DIP2C: variants seen among roughly 807,000 people sequenced by gnomAD.
DIP2C encodes the protein DIP2 acetate--CoA ligase C (putative), also known as disco-interacting protein 2 homolog C.
DIP2C carries 33 observed loss-of-function variants against 192.4 expected under a neutral mutation model. The observed-to-expected ratio is 0.17, with a 90% CI of 0.13 to 0.23. The LOEUF is 0.23. Among genes scored for constraint, DIP2C ranks in the 10% least tolerant of loss-of-function variants. DIP2C has a pLI of 1.00. For synonymous variants in DIP2C, 979 were observed against 864.1 expected (o/e 1.13, Z -2.33); for missense variants, 1,537 against 2,110.1 (o/e 0.73, Z 5.32).
intron 1 of DIP2C, among the ~76,000 whole-genome samples, chr10:568,609 T>C (rs549816566): frequency 2.0e-5 from 3 of 151,094 alleles, no homozygotes; most frequent in South Asian, 2.1e-4. Flanking sequence ...CTACTAAAAA[T>C]ACAAAAATTA....
chr10:441,905 CT>C (rs1241295801), intron 3 of DIP2C, among the ~76,000 whole-genome samples: 3 of 150,356 alleles, frequency 2.0e-5, no homozygotes, highest in African/African-American at 7.3e-5. Flanking sequence ...GTCACAGCAT[CT>C]CACGCAGGCC....
intron 3 of DIP2C, among the ~76,000 whole-genome samples, chr10:470,034 G>C (rs1399573397): frequency 6.6e-6 from 1 of 152,122 alleles, no homozygotes; most frequent in East Asian, 1.9e-4. Context: ...TGAGTAGTGG[G>C]GTAAATGGAT....
At chr10:327,469 G>C (rs1334703951) in intron 30 of DIP2C, among the ~76,000 whole-genome samples, 1 of 152,188 alleles carries the variant, frequency 6.6e-6, no homozygotes, top group African/African-American at 2.4e-5. Flanking sequence ...CAACTTCCTG[G>C]CTGAGACGAT....
chr10:414,210 C>A, intron 7 of DIP2C, 100 bp from the exon 8 acceptor site: 3 of 1,347,872 alleles, frequency 2.2e-6, no homozygotes, highest in Non-Finnish European at 3.0e-6. Flanking sequence ...TATACTTAAG[C>A]TGTACATTTA....
intron 1 of DIP2C, among the ~76,000 whole-genome samples, chr10:557,284 A>T (rs1468555490): frequency 6.6e-6 from 1 of 152,226 alleles, no homozygotes; most frequent in Non-Finnish European, 1.5e-5. Context: ...ACCTACAGAT[A>T]GCCACAGCCC....
intron 4 of DIP2C, among the ~76,000 whole-genome samples, chr10:427,963 C>T (rs1256826474): frequency 6.6e-6 from 1 of 152,122 alleles, no homozygotes; most frequent in Admixed American, 6.6e-5. Flanking sequence ...ACATAAACGT[C>T]GACAGCAGCA....
rs562470097 is a variant in DIP2C at position 460,938 on chromosome 10, T to G, written c.268+11501A>C. ...AGAATTTTCAACCCAGAATTTCCTA[T>G]CCAGCCAAACTAAGCTTTGTAAGTG... is the stretch of plus-strand genomic sequence containing the variant. On this transcript the variant is annotated intron_variant, in intron 3 of 36. Coordinates refer to ENST00000280886, the MANE Select transcript of DIP2C (RefSeq NM_014974.3). Among the ~76,000 whole-genome samples the G allele has an allele frequency of 2.6e-5, 4 of 152,256 alleles. No homozygotes were observed. In the South Asian group the frequency reaches 8.3e-4, roughly 32 times the overall value.
Position 471,921 on chromosome 10 carries a change from TAA to T in DIP2C, c.268+516_268+517del, listed in dbSNP as rs1265735935. On this transcript the variant is annotated intron_variant, in intron 3 of 36. Coordinates refer to ENST00000280886, the MANE Select transcript of DIP2C (RefSeq NM_014974.3). The stretch of plus-strand genomic sequence containing the variant: ...GTGCCCACCACCACGCCCGACAGCC[TAA>T]GTTTTCTGTTGCTAAATTAATGAAA... Among the ~76,000 whole-genome samples the T allele has an allele frequency of 2.6e-5, 4 of 152,158 alleles. No individual in the cohort carries two copies. The East Asian group carries it at 7.7e-4, about 29-fold the overall frequency.
intron 27 of DIP2C, 23 bp from the exon 28 acceptor site, chr10:344,941 G>A: frequency 1.2e-6 from 2 of 1,603,444 alleles, no homozygotes; most frequent in Admixed American, 1.7e-5. Context: ...ATGACTATCA[G>A]CAGATCCAGC....
intron 1 of DIP2C, among the ~76,000 whole-genome samples, chr10:542,240 G>A (rs750840140): frequency 2.0e-5 from 3 of 152,198 alleles, no homozygotes; most frequent in Admixed American, 6.5e-5. Flanking sequence ...CCTGGGCGAT[G>A]CCAGGTGACG....
chr10:329,527 G>A lies in DIP2C; in HGVS notation c.3659C>T (p.Ala1220Val), dbSNP rs764475430. ...LETNPALWLL[A>V]VSQYKVRDTF... Reference sequence around the variant, plus strand: ...GTCTCGGACTTTGTACTGACTCACGGCAAGAAGCCACAAGGCGGGGTTGGT... The same window carrying A: ...GTCTCGGACTTTGTACTGACTCACGACAAGAAGCCACAAGGCGGGGTTGGT... Residue 1220 changes from alanine to valine, a missense_variant, in exon 30 of 37, where the codon GCC (alanine) becomes GTC (valine). Ala to Val is a moderately conservative substitution (Grantham distance 64, BLOSUM62 0). This residue lies in a region of DIP2C where 341 missense variants were observed against 551.7 expected (regional missense o/e 0.62). Coordinates refer to ENST00000280886, the MANE Select transcript of DIP2C (RefSeq NM_014974.3). The A allele has an allele frequency of 3.1e-6, 5 of 1,614,070 alleles. No homozygotes were observed. The highest frequency in any genetic ancestry group is 2.2e-5 in the East Asian group (1 of 44,884).
chr10:297,851 T>A lies in DIP2C; in HGVS notation c.3987-9430A>T, dbSNP rs372856356. ...AATGATGCACGCTCCCGATCTAATA[T>A]CCCGATCTGCTAACTACATGTTATA... On this transcript the variant is annotated intron_variant, in intron 32 of 36. Transcript: ENST00000280886. 3.3e-5 allele frequency among the ~76,000 whole-genome samples: 5 copies of A among 152,202 alleles called. No homozygotes were observed. The East Asian group carries it at 9.6e-4, about 29-fold the overall frequency.
chr10:399,644 T>C (rs897364517), intron 9 of DIP2C, among the ~76,000 whole-genome samples: 26 of 152,328 alleles, frequency 1.7e-4, no homozygotes, highest in Middle Eastern at 3.4e-3. Context: ...CAGGCACAAT[T>C]GTGGCCTCTC....
rs542980776 is a variant in DIP2C at position 513,925 on chromosome 10, G to A, written c.86-27395C>T. On this transcript the variant is annotated intron_variant, in intron 1 of 36. Coordinates refer to ENST00000280886, the MANE Select transcript of DIP2C (RefSeq NM_014974.3). Reference sequence around the variant, plus strand: ...CCTGTCCTGGAAGCCACGGCCAAATGCCAGGTTGTATAGATCCAAAAAGCA... The same window carrying A: ...CCTGTCCTGGAAGCCACGGCCAAATACCAGGTTGTATAGATCCAAAAAGCA... Among the ~76,000 whole-genome samples the A allele has an allele frequency of 4.3e-4, 66 of 152,340 alleles. 1 individual carries two copies. Among genetic ancestry groups the A allele is most frequent in the Non-Finnish European group, 7.9e-4 (54 of 68,044 alleles).
At chr10:558,143 C>A (rs1166759337) in intron 1 of DIP2C, among the ~76,000 whole-genome samples, 1 of 152,190 alleles carries the variant, frequency 6.6e-6, no homozygotes, top group Non-Finnish European at 1.5e-5. Context: ...CATTGTCTTA[C>A]CAGCCACGCT....
chr10:411,632 A>AT (rs1316214556), intron 8 of DIP2C, among the ~76,000 whole-genome samples: 16 of 152,244 alleles, frequency 1.1e-4, no homozygotes, highest in Admixed American at 6.5e-5. Context: ...ATTACTCAGT[A>AT]TTAGAACAAT....
At chr10:468,857 C>G (rs1034711146) in intron 3 of DIP2C, among the ~76,000 whole-genome samples, 5 of 152,194 alleles carry the variant, frequency 3.3e-5, no homozygotes, top group East Asian at 1.9e-4. Context: ...TCCATTATAT[C>G]TCAAATAAAT....
At chr10:335,130 C>T (rs1182029856) in intron 29 of DIP2C, among the ~76,000 whole-genome samples, 1 of 152,136 alleles carries the variant, frequency 6.6e-6, no homozygotes, top group Admixed American at 6.5e-5. Flanking sequence ...TATTTTGAAA[C>T]AATACCATTA....
intron 29 of DIP2C, among the ~76,000 whole-genome samples, chr10:331,772 G>A (rs1309361749): frequency 6.6e-6 from 1 of 152,080 alleles, no homozygotes; most frequent in Non-Finnish European, 1.5e-5. Flanking sequence ...CCTTTCCAAG[G>A]GTTTAATACT....
Sources: allele counts gnomAD v4.1 joint callset (sites outside exome capture counted in the v4.1 genomes callset), GRCh38; gene constraint gnomAD v4.1.1; regional missense constraint gnomAD v4.1.1; transcripts MANE v1.5; gene names NCBI Gene and HGNC (gene_info 2026-07-23, HGNC 2026-07-21).